The following OPCML variants were observed in gnomAD, a reference collection of about 807,000 sequenced individuals.
OPCML encodes the protein opioid-binding protein/cell adhesion molecule.
Under a neutral mutation model 37.8 loss-of-function variants are expected in OPCML, and 13 were observed. That is an observed-to-expected ratio of 0.34 (90% CI 0.22 to 0.55). The LOEUF is 0.55. Ranked by LOEUF, OPCML falls within the 20% of genes least tolerant of loss-of-function variation. OPCML has a pLI of 0.91. For synonymous variants in OPCML, 176 were observed against 168.8 expected (o/e 1.04, Z -0.33); for missense variants, 341 against 435.6 (o/e 0.78, Z 1.93).
chr11:133,136,438 G>T (rs1484186801), intron 1 of OPCML, among the ~76,000 whole-genome samples: 3 of 152,118 alleles, frequency 2.0e-5, no homozygotes, highest in Admixed American at 1.3e-4. Context: ...TGGGATCAAG[G>T]CTCCAGAAAG....
intron 1 of OPCML, chr11:133,422,402 T>TATATATATATATATATATGC (rs1461835903): frequency 2.1e-6 from 2 of 951,320 alleles, no homozygotes; most frequent in African/African-American, 4.1e-5. Flanking sequence ...TATGTATATA[T>TATATATATATATATATATGC]GCGCCAGTTC....
rs1592230117 is a variant in OPCML at position 133,357,883 on chromosome 11, T to A, written c.61+174381A>T. Among the ~76,000 whole-genome samples, 3 of 152,116 alleles carry A rather than the reference T, an allele frequency of 2.0e-5. No individual in the cohort carries two copies. The East Asian group carries it at 5.8e-4, about 29-fold the overall frequency. On this transcript the variant is annotated intron_variant, in intron 1 of 7. Transcript: ENST00000524381. ...AACAACCATCACAATCGTAACTACA[T>A]GAGAGCCTTGCCTTTATGTTCTCTC...
chr11:133,424,563 A>G (rs761477661), intron 1 of OPCML, among the ~76,000 whole-genome samples: 3 of 152,166 alleles, frequency 2.0e-5, no homozygotes, highest in Non-Finnish European at 4.4e-5. Context: ...TGTCCTAGTT[A>G]CACACAGTGT....
chr11:132,634,325 C>T (rs1415962356), intron 3 of OPCML, among the ~76,000 whole-genome samples: 1 of 152,190 alleles, frequency 6.6e-6, no homozygotes, highest in Non-Finnish European at 1.5e-5. Context: ...GCAACAATGT[C>T]TGCCATGATT....
At chr11:132,853,086 T>C (rs964736575) in intron 2 of OPCML, among the ~76,000 whole-genome samples, 5 of 152,214 alleles carry the variant, frequency 3.3e-5, no homozygotes, top group African/African-American at 9.6e-5. Context: ...CCTTGAATGA[T>C]CTTGAATGAA....
intron 3 of OPCML, among the ~76,000 whole-genome samples, chr11:132,626,439 A>G (rs191456896): frequency 2.3e-3 from 344 of 152,306 alleles, no homozygotes; most frequent in African/African-American, 7.8e-3. Flanking sequence ...GAATTTGGAA[A>G]CCACAGAAGG....
intron 4 of OPCML, among the ~76,000 whole-genome samples, chr11:132,507,993 A>G (rs2096261016): frequency 6.6e-6 from 1 of 152,168 alleles, no homozygotes; most frequent in Non-Finnish European, 1.5e-5. Flanking sequence ...CTGACTAAAC[A>G]TTTTATTGAA....
At chr11:132,549,611 C>A (rs985818553) in intron 3 of OPCML, among the ~76,000 whole-genome samples, 1 of 152,186 alleles carries the variant, frequency 6.6e-6, no homozygotes, top group Non-Finnish European at 1.5e-5. Context: ...CATTTTCTAA[C>A]AAAGAGTAGC....
intron 1 of OPCML, among the ~76,000 whole-genome samples, chr11:133,044,601 A>G (rs1947972215): frequency 6.6e-6 from 1 of 152,226 alleles, no homozygotes; most frequent in Non-Finnish European, 1.5e-5. Flanking sequence ...AGCACCTTGT[A>G]TGTGTTACTT....
At chr11:133,000,842 G>T (rs546441434) in intron 1 of OPCML, among the ~76,000 whole-genome samples, 2 of 152,284 alleles carry the variant, frequency 1.3e-5, no homozygotes, top group South Asian at 2.1e-4. Context: ...TCATGGGGGC[G>T]AGTTCTTCAC....
At chr11:132,693,711 C>T (rs567851486) in intron 2 of OPCML, among the ~76,000 whole-genome samples, 39 of 152,114 alleles carry the variant, frequency 2.6e-4, no homozygotes, top group African/African-American at 7.2e-4. Flanking sequence ...ATCAAATAAC[C>T]CATTTGAAGA....
intron 4 of OPCML, among the ~76,000 whole-genome samples, chr11:132,479,349 T>C (rs548621273): frequency 6.6e-6 from 1 of 152,260 alleles, no homozygotes; most frequent in South Asian, 2.1e-4. Context: ...GGATATTATA[T>C]CCCACACGTG....
At chr11:132,778,385 A>C (rs759927182) in intron 2 of OPCML, among the ~76,000 whole-genome samples, 1 of 152,220 alleles carries the variant, frequency 6.6e-6, no homozygotes, top group African/African-American at 2.4e-5. Context: ...CATCATCTAC[A>C]TGGCAGTTGG....
intron 3 of OPCML, among the ~76,000 whole-genome samples, chr11:132,636,744 C>G (rs796424874): frequency 2.6e-5 from 4 of 152,162 alleles, no homozygotes; most frequent in African/African-American, 9.6e-5. Context: ...GTGTAAAAAC[C>G]CTGCTCTGTT....
intron 1 of OPCML, among the ~76,000 whole-genome samples, chr11:133,458,173 T>C (rs535714726): frequency 0.028 from 3,712 of 133,798 alleles, 220 homozygotes; most frequent in African/African-American, 0.12. Context: ...TACATATACA[T>C]ATATGTGTAT....
intron 2 of OPCML, among the ~76,000 whole-genome samples, chr11:132,941,654 T>C (rs1268530904): frequency 6.6e-6 from 1 of 152,120 alleles, no homozygotes; most frequent in Non-Finnish European, 1.5e-5. Context: ...CCTTCACATC[T>C]CCAGGAAGGG....
rs369446022 is a variant in OPCML at position 133,428,300 on chromosome 11, A to G, written c.61+103964T>C. Among the ~76,000 whole-genome samples the G allele has an allele frequency of 4.6e-5, 7 of 152,324 alleles. No homozygotes were observed. The East Asian group carries it at 9.7e-4, about 21-fold the overall frequency. ...AATGTGACAAAGACATCCACTTTAAACCAGCAGCGTGAACAAGGAGAGGAA... is the reference window on the plus strand; with the variant it reads ...AATGTGACAAAGACATCCACTTTAAGCCAGCAGCGTGAACAAGGAGAGGAA... On this transcript the variant is annotated intron_variant, in intron 1 of 7. Transcript: ENST00000524381.
At chr11:132,650,853 G>A (rs1040174260) in intron 3 of OPCML, among the ~76,000 whole-genome samples, 11 of 152,132 alleles carry the variant, frequency 7.2e-5, no homozygotes, top group African/African-American at 2.4e-4. Context: ...AGTAGCGGTT[G>A]AATACATTAA....
intron 1 of OPCML, among the ~76,000 whole-genome samples, chr11:133,080,820 A>G (rs1209547657): frequency 6.6e-6 from 1 of 151,948 alleles, no homozygotes; most frequent in Non-Finnish European, 1.5e-5. Flanking sequence ...TCACCTCTTC[A>G]TTCATTCATG....
Sources: allele counts gnomAD v4.1 joint callset (sites outside exome capture counted in the v4.1 genomes callset), GRCh38; gene constraint gnomAD v4.1.1; transcripts MANE v1.5; gene names NCBI Gene and HGNC (gene_info 2026-07-23, HGNC 2026-07-21).